PRR5L: variants seen among roughly 807,000 people sequenced by gnomAD.
The protein encoded by PRR5L is proline-rich protein 5-like.
Under a neutral mutation model 36.4 loss-of-function variants are expected in PRR5L, and 21 were observed. That is an observed-to-expected ratio of 0.58 (90% CI 0.41 to 0.83). The LOEUF (loss-of-function observed/expected upper bound fraction) is 0.83. Ranked by LOEUF, PRR5L falls within the 40% of genes least tolerant of loss-of-function variation. The pLI is 0.00. For missense variants in PRR5L, 381 were observed against 473.3 expected, an observed-to-expected ratio of 0.80 and a Z score of 1.81; for synonymous variants, 188 against 197.0, an observed-to-expected ratio of 0.95 and a Z score of 0.38.
chr11:36,430,294 C>A (rs1344178820), intron 4 of PRR5L, among the ~76,000 whole-genome samples: 4 of 151,664 alleles, frequency 2.6e-5, no homozygotes, highest in African/African-American at 2.4e-5. Context: ...TGCCTGTAAT[C>A]CCATCTACAC....
rs538728350 is a variant in PRR5L, at chr11:36,455,886, G to A, written c.712+4551G>A. Among the ~76,000 whole-genome samples the A allele has an allele frequency of 1.0e-3, 159 of 152,306 alleles. 2 individuals carry two copies. The South Asian group carries it at 0.017, about 16-fold the overall frequency. Reference sequence around the variant, plus strand: ...CTTAGCAAGGAAACGCTGTCTGCCCGGGGGACTCAACACAGCCTTGCGGTC... The same window carrying A: ...CTTAGCAAGGAAACGCTGTCTGCCCAGGGGACTCAACACAGCCTTGCGGTC... On this transcript the variant is annotated intron_variant, in intron 8 of 8. Transcript: ENST00000530639.
intron 8 of PRR5L, among the ~76,000 whole-genome samples, chr11:36,454,993 C>T (rs899277601): frequency 6.6e-6 from 1 of 152,216 alleles, no homozygotes; most frequent in African/African-American, 2.4e-5. Flanking sequence ...TTTCAAGTCC[C>T]CGAAGTCTCC....
Position 36,462,960 on chromosome 11 carries a change from G to A in PRR5L, c.*224G>A. The A allele has an allele frequency of 2.3e-6, 1 of 434,870 alleles. No homozygotes were observed. Among genetic ancestry groups the A allele is most frequent in the Non-Finnish European group, 4.0e-6 (1 of 249,236 alleles). The allele number at this position is 434,870 out of a possible 1,614,324, so 26.9% of individuals were successfully genotyped here. A position where few individuals can be genotyped will look rare whatever the true frequency, so the allele number is the denominator to read the frequency against. The stretch of plus-strand genomic sequence containing the variant: ...TAGCCACCAATTGTAGTGACCAGTT[G>A]CCTAATGGTCACTTTCTGACTCCAG... On this transcript the variant is annotated 3_prime_UTR_variant, in exon 9 of 9. Transcript: ENST00000530639.
intron 1 of PRR5L, among the ~76,000 whole-genome samples, chr11:36,307,446 G>T (rs1856447060): frequency 6.6e-6 from 1 of 152,180 alleles, no homozygotes; most frequent in Admixed American, 6.5e-5. Flanking sequence ...GCAAGCTTCA[G>T]GGGAGGTTGA....
chr11:36,314,780 A>C (rs999539999), intron 1 of PRR5L, among the ~76,000 whole-genome samples: 1 of 152,228 alleles, frequency 6.6e-6, no homozygotes, highest in Non-Finnish European at 1.5e-5. Context: ...AGCACTTTGC[A>C]GACATCCAAA....
In PRR5L at chr11:36,302,115, C is replaced by T. The variant is rs114400484; in HGVS notation, c.-126+5677C>T. Among the ~76,000 whole-genome samples the T allele has an allele frequency of 5.7e-3, 861 of 152,188 alleles. 10 individuals are homozygous for T. Among genetic ancestry groups the T allele is most frequent in the African/African-American group, 0.02 (844 of 41,514 alleles). On this transcript the variant is annotated intron_variant, in intron 1 of 8. Coordinates refer to ENST00000530639, the MANE Select transcript of PRR5L (RefSeq NM_001160167.2). ...TGTGTGAAATATTTTGTAGTAAAAA[C>T]TGGAAAATACAAAGTAGCAAGCGCA...
chr11:36,446,401 G>A lies in PRR5L; in HGVS notation c.546G>A (p.Lys182=). ...LGDLLLLAQS[K]LPSSIVQMLL... ...ACCTGCTGCTGCTGGCCCAGTCCAAGCTGCCCTCGTCCATTGTCCAGATGT... is the reference window on the plus strand; with the variant it reads ...ACCTGCTGCTGCTGGCCCAGTCCAAACTGCCCTCGTCCATTGTCCAGATGT... The change falls in exon 7 of 9, where the codon AAG becomes AAA. Residue 182 remains lysine (K), a synonymous_variant. Coordinates refer to ENST00000530639, the MANE Select transcript of PRR5L (RefSeq NM_001160167.2). 1 of 1,614,188 alleles carries A rather than the reference G, an allele frequency of 6.2e-7. No homozygotes were observed. Among genetic ancestry groups the A allele is most frequent in the Middle Eastern group, 1.6e-4 (1 of 6,062 alleles).
chr11:36,355,844 T>G (rs1857021980), intron 1 of PRR5L, among the ~76,000 whole-genome samples: 1 of 151,562 alleles, frequency 6.6e-6, no homozygotes, highest in Admixed American at 6.6e-5. Flanking sequence ...ATTACAGGGG[T>G]GAGCCACCAC....
intron 1 of PRR5L, chr11:36,386,655 G>C (rs1241602543): frequency 1.3e-5 from 2 of 152,248 alleles, no homozygotes; most frequent in Non-Finnish European, 2.9e-5. Context: ...TTTAAGACAG[G>C]GGTCAGGAGT....
intron 1 of PRR5L, among the ~76,000 whole-genome samples, chr11:36,373,354 T>G (rs960896436): frequency 3.3e-5 from 5 of 152,182 alleles, no homozygotes; most frequent in African/African-American, 1.2e-4. Flanking sequence ...GAATTTTGGT[T>G]AGAATTTGGC....
At chr11:36,355,548 CTTTT>C (rs1041820581) in intron 1 of PRR5L, among the ~76,000 whole-genome samples, 2 of 127,042 alleles carry the variant, frequency 1.6e-5, no homozygotes, top group Non-Finnish European at 3.3e-5. Context: ...CTTTGCTTTG[CTTTT>C]TTTTTTTTTT....
At chr11:36,307,475 TC>T (rs1225853086) in intron 1 of PRR5L, among the ~76,000 whole-genome samples, 3 of 152,174 alleles carry the variant, frequency 2.0e-5, no homozygotes, top group African/African-American at 7.2e-5. Context: ...CTCAGCAATG[TC>T]CTCAGGGTGC....
At chr11:36,427,367 A>G (rs1468232335) in intron 4 of PRR5L, among the ~76,000 whole-genome samples, 1 of 152,022 alleles carries the variant, frequency 6.6e-6, no homozygotes, top group Admixed American at 6.5e-5. Context: ...TTTAGTAACC[A>G]TTTTTGGCTT....
intron 2 of PRR5L, among the ~76,000 whole-genome samples, chr11:36,402,737 G>A (rs1857823526): frequency 6.6e-6 from 1 of 152,344 alleles, no homozygotes; most frequent in East Asian, 1.9e-4. Flanking sequence ...AGGCTGTGGA[G>A]TAAGCCCTGA....
At chr11:36,350,944 A>ATATT (rs1554986952) in intron 1 of PRR5L, among the ~76,000 whole-genome samples, 30,553 of 56,776 alleles carry the variant, frequency 0.54, 10,903 homozygotes, top group East Asian at 0.81. Flanking sequence ...ATATTTATAT[A>ATATT]TATATATTTA....
intron 3 of PRR5L, among the ~76,000 whole-genome samples, chr11:36,407,987 C>T (rs530455097): frequency 6.6e-6 from 1 of 152,264 alleles, no homozygotes; most frequent in Admixed American, 6.5e-5. Context: ...AAGAATAAAT[C>T]TGTCAGGCCA....
intron 1 of PRR5L, among the ~76,000 whole-genome samples, chr11:36,324,812 T>C (rs1856643927): frequency 1.3e-5 from 2 of 152,186 alleles, no homozygotes; most frequent in African/African-American, 4.8e-5. Flanking sequence ...GAGAAAATCA[T>C]TGTGACTTTC....
chr11:36,327,706 C>T (rs1856679048), intron 1 of PRR5L, among the ~76,000 whole-genome samples: 1 of 152,152 alleles, frequency 6.6e-6, no homozygotes, highest in African/African-American at 2.4e-5. Context: ...ATAATAAGAA[C>T]CTTAGACTCC....
At chr11:36,316,617 C>T (rs1856560273) in intron 1 of PRR5L, among the ~76,000 whole-genome samples, 2 of 151,976 alleles carry the variant, frequency 1.3e-5, no homozygotes, top group South Asian at 2.1e-4. Context: ...GCCAGATTAC[C>T]GGTCTGGGTG....
Sources: allele counts gnomAD v4.1 joint callset (sites outside exome capture counted in the v4.1 genomes callset), GRCh38; gene constraint gnomAD v4.1.1; transcripts MANE v1.5; gene names NCBI Gene and HGNC (gene_info 2026-07-23, HGNC 2026-07-21).